The following MGAT4C variants were observed in gnomAD, a reference collection of about 807,000 sequenced individuals.
MGAT4C encodes alpha-1,3-mannosyl-glycoprotein 4-beta-N-acetylglucosaminyltransferase C.
In MGAT4C, 19 loss-of-function variants were observed where a neutral mutation model predicts 40.1. That is an observed-to-expected ratio of 0.47 (90% CI 0.33 to 0.70). The LOEUF (loss-of-function observed/expected upper bound fraction) is 0.70, where lower values mean the gene tolerates loss of function less well. Ranked by LOEUF, MGAT4C falls within the 30% of genes least tolerant of loss-of-function variation. MGAT4C has a pLI of 0.02. For missense variants in MGAT4C, 491 were observed against 563.2 expected (o/e 0.87, Z 1.30); for synonymous variants, 181 against 187.1 (o/e 0.97, Z 0.27).
rs796421552 is a variant in MGAT4C at position 86,414,068 on chromosome 12, GT to G, written c.-120+21088del. On this transcript the variant is annotated intron_variant, in intron 3 of 7. Transcript: ENST00000548651. ...TGCTCCAGAAAAATGCTTACAGCAA[GT>G]TTTTTTTTTCTGCAAGTACATGAAA... 6.1e-3 allele frequency among the ~76,000 whole-genome samples: 914 copies of G among 149,778 alleles called. 7 individuals carry two copies. Among genetic ancestry groups the G allele is most frequent in the African/African-American group, 0.021 (861 of 41,004 alleles).
chr12:86,368,401 T>A (rs1212501256), intron 3 of MGAT4C, among the ~76,000 whole-genome samples: 1 of 152,164 alleles, frequency 6.6e-6, no homozygotes, highest in East Asian at 1.9e-4. Flanking sequence ...ATTTCTGCTT[T>A]GATCTTTGTT....
At chr12:86,630,302 A>G (rs1962986948) in intron 2 of MGAT4C, among the ~76,000 whole-genome samples, 1 of 152,184 alleles carries the variant, frequency 6.6e-6, no homozygotes, top group Non-Finnish European at 1.5e-5. Context: ...AGACAGATTC[A>G]CAGCCGGATT....
chr12:86,480,536 A>AT (rs1188657749), intron 2 of MGAT4C, among the ~76,000 whole-genome samples: 24 of 151,158 alleles, frequency 1.6e-4, no homozygotes, highest in African/African-American at 5.6e-4. Context: ...ATATGTACAC[A>AT]AATACATATG....
chr12:85,980,287 A>C lies in MGAT4C; in HGVS notation c.439T>G (p.Ser147Ala). The change falls in exon 5 of 5, where the codon TCC becomes GCC. Residue 147 changes from serine to alanine, a missense_variant. Physicochemically the swap from Ser to Ala is moderately conservative, Grantham distance 99. Coordinates refer to ENST00000611864, the MANE Select transcript of MGAT4C (RefSeq NM_001351288.2). ...VVVHLADFNS[S>A]WRDAMVQDIT... ...TCCTGGACCATGGCATCACGCCAGG[A>C]AGAATTAAAGTCTGCTAGGTGAACC... 6.2e-7 allele frequency: 1 copy of C among 1,613,984 alleles called. No individual in the cohort carries two copies. Among genetic ancestry groups the C allele is most frequent in the East Asian group, 2.2e-5 (1 of 44,870 alleles).
At chr12:86,721,236 T>A (rs1329914388) in intron 2 of MGAT4C, among the ~76,000 whole-genome samples, 1 of 151,140 alleles carries the variant, frequency 6.6e-6, no homozygotes, top group African/African-American at 2.4e-5. Context: ...CACACTGGCC[T>A]GTAATCATTT....
At chr12:86,582,125 T>G (rs151268654) in intron 2 of MGAT4C, among the ~76,000 whole-genome samples, 96 of 151,556 alleles carry the variant, frequency 6.3e-4, no homozygotes, top group African/African-American at 2.1e-3. Flanking sequence ...TTTCTGAAGC[T>G]TCCTAGAAAG....
chr12:86,735,479 T>A (rs1452048748), intron 1 of MGAT4C, among the ~76,000 whole-genome samples: 1 of 151,854 alleles, frequency 6.6e-6, no homozygotes, highest in African/African-American at 2.4e-5. Context: ...CAGAAATAAT[T>A]GCCTGGAAGC....
intron 2 of MGAT4C, among the ~76,000 whole-genome samples, chr12:86,517,567 C>A (rs1430753634): frequency 6.6e-6 from 1 of 152,134 alleles, no homozygotes; most frequent in South Asian, 2.1e-4. Context: ...CCAGGACAAA[C>A]TTAGCACTAT....
At chr12:86,552,703 A>C (rs547975437) in intron 2 of MGAT4C, among the ~76,000 whole-genome samples, 1 of 152,270 alleles carries the variant, frequency 6.6e-6, no homozygotes, top group Non-Finnish European at 1.5e-5. Flanking sequence ...AAATAGAATT[A>C]GGAAGGTAGA....
rs113036992 is a variant in MGAT4C at position 86,098,859 on chromosome 12, G to A, written c.-56-49136C>T. On this transcript the variant is annotated intron_variant, in intron 1 of 4. Transcript: ENST00000611864. ...TAATTTTATTTTTCCCAAGTGAATA[G>A]CAATTTTCTATAATAATTATTTACC... 5.1e-3 allele frequency among the ~76,000 whole-genome samples: 766 copies of A among 151,482 alleles called. 4 individuals carry two copies. The highest frequency in any genetic ancestry group is 0.01 in the Middle Eastern group (3 of 294).
At position 85,962,304 on chromosome 12, in the gene MGAT4C, A is replaced by G. The variant is rs1489771239; in HGVS notation, c.*16985T>C. 6.6e-6 allele frequency: 1 copy of G among 151,394 alleles called. No individual in the cohort carries two copies. Among genetic ancestry groups the G allele is most frequent in the Non-Finnish European group, 1.5e-5 (1 of 67,620 alleles). The allele number at this position is 151,394 out of a possible 1,614,324, so 9.4% of individuals were successfully genotyped here. A position where few individuals can be genotyped will look rare whatever the true frequency, so the allele number is the denominator to read the frequency against. On this transcript the variant is annotated 3_prime_UTR_variant, in exon 5 of 5. Coordinates refer to ENST00000611864, the MANE Select transcript of MGAT4C (RefSeq NM_001351288.2). ...GTTTTGAGATCTGCAGAACAAAGTC[A>G]ATGTCTGAATTTAGAGACTAATTTG... is the stretch of plus-strand genomic sequence containing the variant.
chr12:86,055,889 G>T (rs1403362290), intron 1 of MGAT4C, among the ~76,000 whole-genome samples: 1 of 151,814 alleles, frequency 6.6e-6, no homozygotes, highest in Non-Finnish European at 1.5e-5. Flanking sequence ...CTGTTATCCA[G>T]TTCATTTGCC....
chr12:85,996,467 AGT>A (rs1886632279), intron 2 of MGAT4C, among the ~76,000 whole-genome samples: 1 of 152,196 alleles, frequency 6.6e-6, no homozygotes, highest in Non-Finnish European at 1.5e-5. Context: ...TCACAGGAAA[AGT>A]GAGATCATAA....
chr12:86,284,226 TTAA>T (rs1052081308), intron 4 of MGAT4C, among the ~76,000 whole-genome samples: 4 of 151,928 alleles, frequency 2.6e-5, no homozygotes, highest in African/African-American at 9.7e-5. Context: ...ACAAACAGAC[TTAA>T]TAGTAGGTAA....
intron 2 of MGAT4C, among the ~76,000 whole-genome samples, chr12:86,696,335 G>C (rs1177365525): frequency 6.6e-6 from 1 of 151,982 alleles, no homozygotes; most frequent in Non-Finnish European, 1.5e-5. Context: ...AATATCTCAT[G>C]AACACCTACC....
chr12:86,611,420 G>A (rs538560159), intron 2 of MGAT4C, among the ~76,000 whole-genome samples: 11 of 147,040 alleles, frequency 7.5e-5, no homozygotes, highest in Admixed American at 1.4e-4. Flanking sequence ...AGGTAGGTAG[G>A]TAGATAGATA....
At chr12:86,356,109 C>G (rs1955303214) in intron 3 of MGAT4C, among the ~76,000 whole-genome samples, 1 of 151,696 alleles carries the variant, frequency 6.6e-6, no homozygotes, top group Non-Finnish European at 1.5e-5. Flanking sequence ...CTAGAGCAAC[C>G]CCAACCAAAT....
intron 2 of MGAT4C, among the ~76,000 whole-genome samples, chr12:86,633,468 G>T (rs898685697): frequency 2.0e-5 from 3 of 151,902 alleles, no homozygotes; most frequent in Non-Finnish European, 2.9e-5. Flanking sequence ...TACTTTGCAG[G>T]CCATAGTAAG....
chr12:86,008,139 ACAAT>A (rs1322590474), intron 2 of MGAT4C, among the ~76,000 whole-genome samples: 1 of 152,088 alleles, frequency 6.6e-6, no homozygotes, highest in Non-Finnish European at 1.5e-5. Flanking sequence ...TTTGACAAAA[ACAAT>A]CTAGAATTTT....
Sources: allele counts gnomAD v4.1 joint callset (sites outside exome capture counted in the v4.1 genomes callset), GRCh38; gene constraint gnomAD v4.1.1; transcripts MANE v1.5; gene names NCBI Gene and HGNC (gene_info 2026-07-23, HGNC 2026-07-21).